SETBP1: variants seen among roughly 807,000 people sequenced by gnomAD.
SETBP1 encodes the protein SET-binding protein.
A neutral mutation model predicts 101.0 loss-of-function variants in SETBP1; 9 were observed. The ratio of observed to expected loss-of-function variants is 0.09; its 90% CI spans 0.05 to 0.16. SETBP1 has a LOEUF of 0.16. Among genes scored for constraint, SETBP1 ranks in the 10% least tolerant of loss-of-function variants. The pLI is 1.00. For missense variants in SETBP1, 1,858 were observed against 2,033.8 expected (o/e 0.91, Z 1.66); for synonymous variants, 818 against 788.5 (o/e 1.04, Z -0.63).
chr18:44,778,053 G>C (rs2071041852), intron 2 of SETBP1, among the ~76,000 whole-genome samples: 1 of 152,136 alleles, frequency 6.6e-6, no homozygotes, highest in African/African-American at 2.4e-5. Context: ...GGGATGGGCT[G>C]GCGTGTTCTC....
chr18:44,976,531 T>G (rs2071992315), intron 4 of SETBP1, among the ~76,000 whole-genome samples: 1 of 152,246 alleles, frequency 6.6e-6, no homozygotes, highest in Non-Finnish European at 1.5e-5. Context: ...AGCACATGAC[T>G]GAGCCATCCC....
intron 2 of SETBP1, among the ~76,000 whole-genome samples, chr18:44,810,573 A>G (rs1420625326): frequency 1.3e-5 from 2 of 152,206 alleles, no homozygotes; most frequent in Non-Finnish European, 2.9e-5. Flanking sequence ...CCAAATGATC[A>G]TTGCCACAGC....
At chr18:45,046,473 C>T (rs1028655341) in intron 5 of SETBP1, among the ~76,000 whole-genome samples, 3 of 152,108 alleles carry the variant, frequency 2.0e-5, no homozygotes, top group Admixed American at 6.5e-5. Context: ...AGTCCTCCAG[C>T]GTATTGAAGA....
Position 44,752,377 on chromosome 18 carries a change from T to C in SETBP1, c.486+50545T>C, listed in dbSNP as rs547794707. On this transcript the variant is annotated intron_variant, in intron 2 of 5. Transcript: ENST00000649279. Reference sequence around the variant, plus strand: ...TGTCTGTGGGTCTTGAGGTAGAAAGTATATATGTCATGGTTAGAGACCTAG... The same window carrying C: ...TGTCTGTGGGTCTTGAGGTAGAAAGCATATATGTCATGGTTAGAGACCTAG... Among the ~76,000 whole-genome samples, 13 of 152,260 alleles carry C rather than the reference T, an allele frequency of 8.5e-5. No homozygotes were observed. In the East Asian group the frequency reaches 2.5e-3, roughly 29 times the overall value.
intron 3 of SETBP1, among the ~76,000 whole-genome samples, chr18:44,897,043 G>T (rs559889824): frequency 1.9e-4 from 29 of 152,274 alleles, no homozygotes; most frequent in Non-Finnish European, 4.1e-4. Flanking sequence ...TTGAGACTTT[G>T]CTTCGCTTCT....
chr18:44,795,163 C>A (rs1451212853), intron 2 of SETBP1, among the ~76,000 whole-genome samples: 1 of 152,164 alleles, frequency 6.6e-6, no homozygotes, highest in Admixed American at 6.6e-5. Flanking sequence ...AATGGTCTAC[C>A]AGTTCCATGG....
intron 4 of SETBP1, among the ~76,000 whole-genome samples, chr18:44,990,944 A>G (rs987173540): frequency 2.0e-5 from 3 of 151,052 alleles, no homozygotes; most frequent in Non-Finnish European, 3.0e-5. Flanking sequence ...AAAAAAAAAA[A>G]AAAGAAACCA....
Position 45,063,815 on chromosome 18 carries a change from G to GCCGGGCAGGCAGAAT in SETBP1, c.*122_*136dup. 3 of 1,235,974 alleles carry GCCGGGCAGGCAGAAT rather than the reference G, an allele frequency of 2.4e-6. No individual in the cohort carries two copies. The South Asian group carries it at 4.4e-5, about 18-fold the overall frequency. 76.6% of individuals were successfully genotyped at this position (1,235,974 alleles called of 1,614,324 possible). On this transcript the variant is annotated 3_prime_UTR_variant, in exon 6 of 6. Coordinates refer to ENST00000649279, the MANE Select transcript of SETBP1 (RefSeq NM_015559.3). ...GACACCCACGCCCTTCTCTCCAGAA[G>GCCGGGCAGGCAGAAT]CCGGGCAGGCAGAATCCGGCCAGAC...
At chr18:44,723,250 C>T (rs1160017098) in intron 2 of SETBP1, among the ~76,000 whole-genome samples, 1 of 152,192 alleles carries the variant, frequency 6.6e-6, no homozygotes, top group African/African-American at 2.4e-5. Context: ...CAAACTCTGC[C>T]TATAAAGAAA....
intron 3 of SETBP1, among the ~76,000 whole-genome samples, chr18:44,918,660 G>A (rs751546854): frequency 1.3e-5 from 2 of 152,236 alleles, no homozygotes; most frequent in Non-Finnish European, 2.9e-5. Context: ...AACTGTGAAT[G>A]TTTCCACTTC....
intron 5 of SETBP1, among the ~76,000 whole-genome samples, chr18:45,039,881 C>T (rs1280696234): frequency 6.6e-6 from 1 of 152,146 alleles, no homozygotes; most frequent in African/African-American, 2.4e-5. Context: ...TGACACTTCC[C>T]CAATTGAATT....
chr18:45,004,171 A>T (rs751293156), intron 4 of SETBP1, among the ~76,000 whole-genome samples: 1 of 152,238 alleles, frequency 6.6e-6, no homozygotes, highest in Non-Finnish European at 1.5e-5. Flanking sequence ...AGCATATGGC[A>T]TAGGTGTGAA....
At chr18:44,818,706 A>G (rs1285996238) in intron 2 of SETBP1, among the ~76,000 whole-genome samples, 1 of 151,998 alleles carries the variant, frequency 6.6e-6, no homozygotes, top group Non-Finnish European at 1.5e-5. Context: ...GAGTTTATAA[A>G]AACAATTTGA....
rs148583467 is a variant in SETBP1 at position 45,021,052 on chromosome 18, T to C, written c.4001-17433T>C. ...TTTTCATCTTTATCTTGTTTTGCAA[T>C]GACATTGTTACTAAGGTCTGGCAGA... On this transcript the variant is annotated intron_variant, in intron 4 of 5. Coordinates refer to ENST00000649279, the MANE Select transcript of SETBP1 (RefSeq NM_015559.3). Among the ~76,000 whole-genome samples, 786 of 152,346 alleles carry C rather than the reference T, an allele frequency of 5.2e-3. 23 individuals carry two copies. Among genetic ancestry groups the C allele is most frequent in the Admixed American group, 0.045 (682 of 15,306 alleles).
At chr18:44,919,446 T>G (rs2070525587) in intron 3 of SETBP1, among the ~76,000 whole-genome samples, 1 of 151,594 alleles carries the variant, frequency 6.6e-6, no homozygotes, top group Admixed American at 6.6e-5. Context: ...ACTTCCCTGG[T>G]TCAAGTGATT....
chr18:44,760,423 A>G (rs2070612274), intron 2 of SETBP1, among the ~76,000 whole-genome samples: 1 of 152,160 alleles, frequency 6.6e-6, no homozygotes, highest in Admixed American at 6.5e-5. Context: ...CCAAGATCTC[A>G]ATGCAGCAGT....
At chr18:44,897,938 G>A (rs2069946082) in intron 3 of SETBP1, among the ~76,000 whole-genome samples, 1 of 152,152 alleles carries the variant, frequency 6.6e-6, no homozygotes. Flanking sequence ...GAGACTTCCA[G>A]TATATGAGAG....
rs186113041 is a variant in SETBP1 at position 45,053,342 on chromosome 18, A to G, written c.4172-9737A>G. Among the ~76,000 whole-genome samples, 23 of 152,336 alleles carry G rather than the reference A, an allele frequency of 1.5e-4. No individual in the cohort carries two copies. The East Asian group carries it at 4.4e-3, about 29-fold the overall frequency. ...AATGAAAAATTTGTTTTGATCTAGAATTCATCTGATAGGAAACACAGATGA... is the reference window on the plus strand; with the variant it reads ...AATGAAAAATTTGTTTTGATCTAGAGTTCATCTGATAGGAAACACAGATGA... On this transcript the variant is annotated intron_variant, in intron 5 of 5. Coordinates refer to ENST00000649279, the MANE Select transcript of SETBP1 (RefSeq NM_015559.3).
At chr18:44,845,290 AT>A (rs1372686307) in intron 2 of SETBP1, among the ~76,000 whole-genome samples, 1 of 152,110 alleles carries the variant, frequency 6.6e-6, no homozygotes, top group African/African-American at 2.4e-5. Flanking sequence ...ATCTCCTGGA[AT>A]CTCAGGAACC....
Sources: allele counts gnomAD v4.1 joint callset (sites outside exome capture counted in the v4.1 genomes callset), GRCh38; gene constraint gnomAD v4.1.1; transcripts MANE v1.5; gene names NCBI Gene and HGNC (gene_info 2026-07-23, HGNC 2026-07-21).